The following STK38L variants were observed in gnomAD, a reference collection of about 807,000 sequenced individuals.
STK38L encodes serine/threonine kinase 38 like.
In STK38L, 28 loss-of-function variants were observed where a neutral mutation model predicts 59.7. The observed-to-expected ratio is 0.47, with a 90% CI of 0.35 to 0.64. The LOEUF (loss-of-function observed/expected upper bound fraction) is 0.64, where lower values mean the gene tolerates loss of function less well. Among genes scored for constraint, STK38L ranks in the 30% least tolerant of loss-of-function variants. The pLI is 0.01. For synonymous variants in STK38L, 162 were observed against 176.8 expected (o/e 0.92, Z 0.66); for missense variants, 314 against 555.8 (o/e 0.56, Z 4.37).
At chr12:27,283,507 C>CTT (rs1943704312) in intron 1 of STK38L, among the ~76,000 whole-genome samples, 1 of 152,134 alleles carries the variant, frequency 6.6e-6, no homozygotes, top group African/African-American at 2.4e-5. Flanking sequence ...AACACTGACA[C>CTT]CCTGAGAGTT....
intron 2 of STK38L, among the ~76,000 whole-genome samples, chr12:27,301,534 AC>A (rs1944172590): frequency 6.6e-6 from 1 of 152,214 alleles, no homozygotes; most frequent in African/African-American, 2.4e-5. Flanking sequence ...TGCTAGGATT[AC>A]AGGCGTGAGC....
At chr12:27,272,896 A>G (rs1453244244) in intron 1 of STK38L, among the ~76,000 whole-genome samples, 1 of 152,194 alleles carries the variant, frequency 6.6e-6, no homozygotes, top group East Asian at 1.9e-4. Context: ...GTCTCTGATA[A>G]GTACTGAAAA....
At chr12:27,315,255 C>T (rs1013582391) in intron 8 of STK38L, 34 bp from the exon 9 acceptor site, 1 of 1,610,516 alleles carries the variant, frequency 6.2e-7, no homozygotes, top group Non-Finnish European at 8.5e-7. Flanking sequence ...AGCATTTTTC[C>T]CTCGTGATTA....
At chr12:27,275,251 T>C (rs1014778612) in intron 1 of STK38L, among the ~76,000 whole-genome samples, 3 of 152,024 alleles carry the variant, frequency 2.0e-5, no homozygotes, top group African/African-American at 7.2e-5. Context: ...TAAGGCCTTT[T>C]GGTATTTTCA....
chr12:27,273,805 C>T (rs1359760128), intron 1 of STK38L, among the ~76,000 whole-genome samples: 1 of 152,294 alleles, frequency 6.6e-6, no homozygotes, highest in East Asian at 1.9e-4. Flanking sequence ...AGATAATCTA[C>T]CTTTCTGTGC....
At chr12:27,260,440 T>C (rs1407734592) in intron 1 of STK38L, among the ~76,000 whole-genome samples, 1 of 152,180 alleles carries the variant, frequency 6.6e-6, no homozygotes, top group Non-Finnish European at 1.5e-5. Flanking sequence ...TAAGTGTGAA[T>C]TCTCATGGGC....
intron 1 of STK38L, among the ~76,000 whole-genome samples, chr12:27,282,091 G>A (rs1228584338): frequency 1.3e-5 from 2 of 152,058 alleles, no homozygotes; most frequent in Non-Finnish European, 2.9e-5. Flanking sequence ...GATATATGCT[G>A]GTCCAAATAA....
At chr12:27,292,942 T>C (rs2136635242) in intron 1 of STK38L, among the ~76,000 whole-genome samples, 1 of 152,066 alleles carries the variant, frequency 6.6e-6, no homozygotes, top group South Asian at 2.1e-4. Flanking sequence ...TACTGTTGGG[T>C]TTTTTGTTTG....
At chr12:27,300,985 T>C (rs1322293008) in intron 2 of STK38L, among the ~76,000 whole-genome samples, 1 of 152,238 alleles carries the variant, frequency 6.6e-6, no homozygotes, top group Non-Finnish European at 1.5e-5. Context: ...GTTACTGTTA[T>C]TCTGACACAC....
At chr12:27,287,515 G>A (rs1312650621) in intron 1 of STK38L, among the ~76,000 whole-genome samples, 1 of 152,032 alleles carries the variant, frequency 6.6e-6, no homozygotes, top group East Asian at 1.9e-4. Context: ...CCATATTTTT[G>A]TAGAATGAAA....
At chr12:27,249,714 T>A (rs993352106) in intron 1 of STK38L, among the ~76,000 whole-genome samples, 1 of 152,214 alleles carries the variant, frequency 6.6e-6, no homozygotes, top group African/African-American at 2.4e-5. Context: ...TAACCCAAAT[T>A]GTTGATTCTC....
chr12:27,262,172 A>AAATCTC (rs146970907), intron 1 of STK38L, among the ~76,000 whole-genome samples: 27,435 of 152,014 alleles, frequency 0.18, 2,715 homozygotes, highest in Non-Finnish European at 0.23. Context: ...GAAACCACAG[A>AAATCTC]AATCTCACAA....
chr12:27,306,078 A>G (rs1434096722), intron 3 of STK38L, among the ~76,000 whole-genome samples: 1 of 152,150 alleles, frequency 6.6e-6, no homozygotes, highest in Admixed American at 6.5e-5. Flanking sequence ...TAATGTAACA[A>G]TGTTATAGGT....
chr12:27,251,287 T>C (rs1942970241), intron 1 of STK38L, among the ~76,000 whole-genome samples: 1 of 152,230 alleles, frequency 6.6e-6, no homozygotes, highest in African/African-American at 2.4e-5. Context: ...TTAGCACTTA[T>C]TTTAAGAATA....
At chr12:27,254,911 C>G (rs1455077220) in intron 1 of STK38L, among the ~76,000 whole-genome samples, 1 of 152,110 alleles carries the variant, frequency 6.6e-6, no homozygotes, top group Admixed American at 6.5e-5. Flanking sequence ...AGTTGAACTC[C>G]CAGCAGTCCT....
chr12:27,279,688 ATTT>A (rs10666650), intron 1 of STK38L, among the ~76,000 whole-genome samples: 9 of 133,418 alleles, frequency 6.7e-5, no homozygotes, highest in Middle Eastern at 3.7e-3. Context: ...AAAAAAAAAA[ATTT>A]TTTTTTTTTT....
chr12:27,262,943 C>T (rs1272033898), intron 1 of STK38L, among the ~76,000 whole-genome samples: 9 of 151,876 alleles, frequency 5.9e-5, no homozygotes, highest in Admixed American at 3.9e-4. Context: ...GGATTACAGG[C>T]GTGCACCACC....
intron 1 of STK38L, among the ~76,000 whole-genome samples, chr12:27,267,681 T>C (rs1943328292): frequency 6.6e-6 from 1 of 152,182 alleles, no homozygotes; most frequent in African/African-American, 2.4e-5. Flanking sequence ...TCCAAAGCAG[T>C]TGTACTAATC....
intron 1 of STK38L, among the ~76,000 whole-genome samples, chr12:27,255,387 G>A (rs544364388): frequency 4.3e-4 from 66 of 152,262 alleles, no homozygotes; most frequent in African/African-American, 1.4e-3. Context: ...TTATTTTTTA[G>A]AACTTACACA....
Sources: allele counts gnomAD v4.1 joint callset (sites outside exome capture counted in the v4.1 genomes callset), GRCh38; gene constraint gnomAD v4.1.1; transcripts MANE v1.5; gene names NCBI Gene and HGNC (gene_info 2026-07-23, HGNC 2026-07-21).